ITGA7: variants seen among roughly 807,000 people sequenced by gnomAD.
The protein encoded by ITGA7 is integrin alpha-7.
Under a neutral mutation model 131.6 loss-of-function variants are expected in ITGA7, and 84 were observed. The ratio of observed to expected loss-of-function variants is 0.64; its 90% CI spans 0.54 to 0.77. The LOEUF (loss-of-function observed/expected upper bound fraction) is 0.77. Ranked by LOEUF, ITGA7 falls within the 30% of genes least tolerant of loss-of-function variation. The pLI is 0.00. For synonymous variants in ITGA7, 548 were observed against 600.7 expected, an observed-to-expected ratio of 0.91 and a Z score of 1.28; for missense variants, 1,399 against 1,482.9, an observed-to-expected ratio of 0.94 and a Z score of 0.93.
At position 55,707,820 on chromosome 12, in the gene ITGA7, G is replaced by GGCCGAA; in HGVS notation, c.-139_-138insTTCGGC. ...CGTCTCCCAGACGTTCGCCCCGCCAGCCCTCCCGCCCGCCCGCCGCTCCGC... is the reference window on the plus strand; with the variant it reads ...CGTCTCCCAGACGTTCGCCCCGCCAGGCCGAACCCTCCCGCCCGCCCGCCGCTCCGC... On this transcript the variant is annotated 5_prime_UTR_variant, in exon 1 of 25. Coordinates refer to ENST00000257879, the MANE Select transcript of ITGA7 (RefSeq NM_002206.3). 1 of 1,455,778 alleles carries GGCCGAA rather than the reference G, an allele frequency of 6.9e-7. No individual in the cohort carries two copies. The highest frequency in any genetic ancestry group is 9.1e-7 in the Non-Finnish European group (1 of 1,102,490). The allele number at this position is 1,455,778 out of a possible 1,614,324, so 90.2% of individuals were successfully genotyped here.
rs545614053 is a variant in ITGA7, at chr12:55,707,887, C to T, written c.-205G>A. On this transcript the variant is annotated 5_prime_UTR_variant, in exon 1 of 25. Coordinates refer to ENST00000257879, the MANE Select transcript of ITGA7 (RefSeq NM_002206.3). ...CACCGGCTAGGACAACTACAGCAGC[C>T]GCAGCTCCGGCGCCCACTCCGGCTC... The T allele has an allele frequency of 8.1e-5, 115 of 1,418,194 alleles. No homozygotes were observed. In the African/African-American group the frequency reaches 1.4e-3, roughly 17 times the overall value. The allele number at this position is 1,418,194 out of a possible 1,614,324, so 87.9% of individuals were successfully genotyped here.
upstream of ITGA7, chr12:55,716,374 GCTCCGGTCCCTTGGGCAATA>G: frequency 1.4e-6 from 2 of 1,432,718 alleles, no homozygotes; most frequent in Non-Finnish European, 1.8e-6. Flanking sequence ...TTGCCAACTG[GCTCCGGTCCCTTGGGCAATA>G]CTCCGGTCCC....
chr12:55,686,188 C>CTAG (rs774803574), intron 24 of ITGA7: 1 of 1,324,534 alleles, frequency 7.5e-7, no homozygotes. Context: ...CACATGCACA[C>CTAG]ACACAACAGT....
chr12:55,714,703 T>TATATATAC (rs1283930880), upstream of ITGA7, among the ~76,000 whole-genome samples: 7 of 150,260 alleles, frequency 4.7e-5, no homozygotes, highest in Non-Finnish European at 1.0e-4. Context: ...ATAATAATTT[T>TATATATAC]ATATATACAT....
chr12:55,705,042 A>T (rs1001737818), intron 1 of ITGA7, among the ~76,000 whole-genome samples: 1 of 152,192 alleles, frequency 6.6e-6, no homozygotes, highest in African/African-American at 2.4e-5. Context: ...ACTCATAGAG[A>T]TACCCAGTGT....
chr12:55,712,242 T>TG (rs1363493055), upstream of ITGA7: 1 of 1,551,372 alleles, frequency 6.4e-7, no homozygotes, highest in Non-Finnish European at 8.7e-7. Flanking sequence ...TGAGAAGGAC[T>TG]GGGAGGTCAC....
Position 55,688,097 on chromosome 12 carries a change from C to A in ITGA7, c.3058-1G>T. On this transcript the variant is annotated splice_acceptor_variant, in intron 23 of 24. Transcript: ENST00000257879. LOFTEE classifies it high-confidence loss of function. ...GGTCCAAGTATACCATCACTGGGAT[C>A]TGGGGAGCAAGGGGTCAATGGAGCA... is the stretch of plus-strand genomic sequence containing the variant. The A allele has an allele frequency of 6.2e-7, 1 of 1,614,146 alleles. No homozygotes were observed. The highest frequency in any genetic ancestry group is 8.5e-7 in the Non-Finnish European group (1 of 1,180,020).
chr12:55,700,591 C>A, intron 4 of ITGA7: 1 of 659,376 alleles, frequency 1.5e-6, no homozygotes. Flanking sequence ...CCAGCAGCAG[C>A]GTGCGGAGAC....
Position 55,701,583 on chromosome 12 carries a change from CTT to C in ITGA7, c.415-431_415-430del, listed in dbSNP as rs11356595. Among the ~76,000 whole-genome samples the C allele has an allele frequency of 0.087, 12,574 of 144,872 alleles. 1,567 individuals carry two copies. The highest frequency in any genetic ancestry group is 0.29 in the African/African-American group (11,209 of 39,326). On this transcript the variant is annotated intron_variant, in intron 3 of 24. Coordinates refer to ENST00000257879, the MANE Select transcript of ITGA7 (RefSeq NM_002206.3). ...TGTCCGCTTCACTCTCCAAGTATTA[CTT>C]TTTTTTTTTTTTTGAAGCAAGGTCT...
chr12:55,695,301 A>G, intron 14 of ITGA7: 3 of 600,598 alleles, frequency 5.0e-6, no homozygotes, highest in Non-Finnish European at 8.9e-6. Flanking sequence ...ACTGCATATT[A>G]TTAGTGTACT....
intron 14 of ITGA7, 175 bp downstream of exon 14, chr12:55,695,347 G>A (rs903758238): frequency 3.4e-5 from 21 of 624,086 alleles, no homozygotes; most frequent in East Asian, 1.1e-4. Flanking sequence ...GGGAGCCCCC[G>A]TGGCCCCATC....
upstream of ITGA7, among the ~76,000 whole-genome samples, chr12:55,708,205 G>T (rs1199419846): frequency 6.6e-6 from 1 of 152,100 alleles, no homozygotes; most frequent in Non-Finnish European, 1.5e-5. Flanking sequence ...GAAAGAGAGG[G>T]GCTGAAACAG....
intron 21 of ITGA7, among the ~76,000 whole-genome samples, chr12:55,690,038 T>C (rs1871088310): frequency 6.6e-6 from 1 of 152,228 alleles, no homozygotes; most frequent in Non-Finnish European, 1.5e-5. Context: ...ACCTAGGAAT[T>C]ACCATTCAGG....
At chr12:55,686,345 G>C (rs1870139043) in intron 24 of ITGA7, 4 of 1,244,022 alleles carry the variant, frequency 3.2e-6, no homozygotes, top group Non-Finnish European at 4.2e-6. Flanking sequence ...CAGGGCAGAG[G>C]AAGCAGAGGA....
upstream of ITGA7, among the ~76,000 whole-genome samples, chr12:55,708,399 C>T (rs1397869733): frequency 2.0e-5 from 3 of 152,064 alleles, no homozygotes; most frequent in Admixed American, 6.5e-5. Flanking sequence ...GATCAGACCG[C>T]TGCCCTCCCC....
At chr12:55,697,323 C>G (rs1872849126) in intron 10 of ITGA7, 46 bp from the exon 11 acceptor site, 1 of 1,581,002 alleles carries the variant, frequency 6.3e-7, no homozygotes, top group Admixed American at 1.8e-5. Context: ...GCTGATGGGC[C>G]AAGGCCCCTA....
rs1206900978 is a variant in ITGA7, at chr12:55,702,934, T to C, written c.352A>G (p.Ser118Gly). 6.2e-7 allele frequency: 1 copy of C among 1,613,260 alleles called. No individual in the cohort carries two copies. Among genetic ancestry groups the C allele is most frequent in the African/African-American group, 1.3e-5 (1 of 75,018 alleles). The part of the protein sequence containing the change: ...IDQGADMQKE[S>G]KENQWLGVSV... ...ACTCCCAACCACTGGTTCTCCTTGC[T>C]TTCCTTTTGCATATCAGCTAGAGGC... The change falls in exon 3 of 25, where the codon AGC becomes GGC. Residue 118 changes from serine (S) to glycine (G), a missense_variant. By Grantham distance (56) the Ser-to-Gly change is moderately conservative. Transcript: ENST00000257879.
rs1035220238 is a variant in ITGA7 at position 55,699,980 on chromosome 12, A to C, written c.680T>G (p.Phe227Cys). ...PGTYNWKGLL[F>C]VTNIDSSDPD... is the part of the protein sequence containing the mutation. ...GTCTGAGCTATCAATGTTGGTCACAAAAAGCAACCCTGTGGGGGGTGGGGT... is the reference window on the plus strand; with the variant it reads ...GTCTGAGCTATCAATGTTGGTCACACAAAGCAACCCTGTGGGGGGTGGGGT... The change falls in exon 5 of 25, where the codon TTT becomes TGT. Residue 227 changes from phenylalanine to cysteine, a missense_variant. Transcript: ENST00000257879. 13 of 1,614,010 alleles carry C rather than the reference A, an allele frequency of 8.1e-6. No homozygotes were observed. The highest frequency in any genetic ancestry group is 1.7e-5 in the Admixed American group (1 of 59,992).
rs748544452 is a variant in ITGA7 at position 55,694,235 on chromosome 12, G to A, written c.2432+21C>T. 2.5e-6 allele frequency: 4 copies of A among 1,613,302 alleles called. No individual in the cohort carries two copies. The highest frequency in any genetic ancestry group is 3.4e-6 in the Non-Finnish European group (4 of 1,179,252). On this transcript the variant is annotated intron_variant, in intron 18 of 24. Transcript: ENST00000257879. The surrounding 1 kb of genome is among the most constrained non-coding windows in gnomAD (Gnocchi z 5.3). The stretch of plus-strand genomic sequence containing the variant: ...AATGCCCCCTCCCTCCAATGGAGGT[G>A]CCCCCTTGGGCCAGGCTCACCCTGC...
Sources: allele counts gnomAD v4.1 joint callset (sites outside exome capture counted in the v4.1 genomes callset), GRCh38; gene constraint gnomAD v4.1.1; non-coding constraint Gnocchi (gnomAD v3.1); transcripts MANE v1.5; gene names NCBI Gene and HGNC (gene_info 2026-07-23, HGNC 2026-07-21).